PTPRD: variants seen among roughly 807,000 people sequenced by gnomAD.
PTPRD encodes the protein receptor-type tyrosine-protein phosphatase delta.
PTPRD carries 34 observed loss-of-function variants against 214.5 expected under a neutral mutation model. That is an observed-to-expected ratio of 0.16 (90% CI 0.12 to 0.21). PTPRD has a LOEUF of 0.21. Ranked by LOEUF, PTPRD falls within the 10% of genes least tolerant of loss-of-function variation. The pLI is 1.00. For synonymous variants in PTPRD, 1,128 were observed against 845.7 expected (o/e 1.33, Z -5.79); for missense variants, 2,545 against 2,398.7 (o/e 1.06, Z -1.27).
intron 5 of PTPRD, among the ~76,000 whole-genome samples, chr9:9,800,019 T>C (rs751773387): frequency 6.6e-5 from 10 of 152,228 alleles, no homozygotes; most frequent in Non-Finnish European, 1.3e-4. Context: ...GATGAGCCAC[T>C]TGACATTCTT....
chr9:10,172,335 G>C (rs1022725635), intron 3 of PTPRD, among the ~76,000 whole-genome samples: 3 of 152,084 alleles, frequency 2.0e-5, no homozygotes, highest in African/African-American at 7.2e-5. Flanking sequence ...CCCATATGCA[G>C]AGATCCTGTA....
intron 3 of PTPRD, among the ~76,000 whole-genome samples, chr9:10,328,122 C>T (rs1350475512): frequency 1.3e-5 from 2 of 151,540 alleles, no homozygotes; most frequent in Non-Finnish European, 3.0e-5. Context: ...CTATACAGAT[C>T]AGAAAAAAAT....
intron 3 of PTPRD, among the ~76,000 whole-genome samples, chr9:10,066,021 T>A (rs985452891): frequency 6.6e-6 from 1 of 152,118 alleles, no homozygotes; most frequent in African/African-American, 2.4e-5. Context: ...TCAGATTATT[T>A]GATACTAATA....
chr9:10,432,781 T>A (rs668185), intron 2 of PTPRD, among the ~76,000 whole-genome samples: 23,001 of 151,976 alleles, frequency 0.15, 2,311 homozygotes, highest in East Asian at 0.55. Context: ...GGGTCTCCCT[T>A]CTTCACTCAC....
rs112939979 is a variant in PTPRD at position 10,459,523 on chromosome 9, T to G, written c.-599-118506A>C. ...CTAATTTACACTCCCACCAACAGTG[T>G]AAAAGCATTCCTACTTCTCCACATC... On this transcript the variant is annotated intron_variant, in intron 2 of 45. Coordinates refer to ENST00000381196, the MANE Select transcript of PTPRD (RefSeq NM_002839.4). 9.7e-3 allele frequency among the ~76,000 whole-genome samples: 1,470 copies of G among 152,304 alleles called. 20 individuals are homozygous for G. Among genetic ancestry groups the G allele is most frequent in the African/African-American group, 0.028 (1,150 of 41,576 alleles).
intron 10 of PTPRD, among the ~76,000 whole-genome samples, chr9:9,162,524 GATCTACC>G (rs1379750576): frequency 2.0e-5 from 3 of 151,896 alleles, no homozygotes; most frequent in Non-Finnish European, 4.4e-5. Flanking sequence ...CTACATAATT[GATCTACC>G]ATGTATCTGC....
intron 8 of PTPRD, among the ~76,000 whole-genome samples, chr9:9,411,971 G>A (rs1435081156): frequency 6.6e-6 from 1 of 152,182 alleles, no homozygotes; most frequent in Non-Finnish European, 1.5e-5. Flanking sequence ...CCAGGAAAAG[G>A]TCAGTGAAGG....
At chr9:9,663,058 T>C (rs7856780) in intron 7 of PTPRD, among the ~76,000 whole-genome samples, 4,580 of 151,636 alleles carry the variant, frequency 0.03, 225 homozygotes, top group African/African-American at 0.1. Flanking sequence ...GATACATAAA[T>C]AGCAAAATTT....
At chr9:8,842,388 G>A (rs980793167) in intron 11 of PTPRD, among the ~76,000 whole-genome samples, 1 of 152,068 alleles carries the variant, frequency 6.6e-6, no homozygotes, top group Non-Finnish European at 1.5e-5. Flanking sequence ...TACTTTTATG[G>A]CTTTGAAATA....
At chr9:10,141,064 A>C (rs1297109183) in intron 3 of PTPRD, among the ~76,000 whole-genome samples, 1 of 152,158 alleles carries the variant, frequency 6.6e-6, no homozygotes, top group Non-Finnish European at 1.5e-5. Flanking sequence ...TCATGCTAAA[A>C]ATTCTCAATA....
At chr9:8,704,226 G>C (rs1032012459) in intron 12 of PTPRD, among the ~76,000 whole-genome samples, 8 of 151,962 alleles carry the variant, frequency 5.3e-5, no homozygotes, top group African/African-American at 1.9e-4. Context: ...GTTGTGCAGG[G>C]TTGGCTGCCT....
At chr9:9,933,273 A>T (rs2087554048) in intron 5 of PTPRD, among the ~76,000 whole-genome samples, 1 of 152,258 alleles carries the variant, frequency 6.6e-6, no homozygotes, top group African/African-American at 2.4e-5. Flanking sequence ...ATTAAAAGAC[A>T]CAGACTGGCA....
intron 3 of PTPRD, among the ~76,000 whole-genome samples, chr9:10,281,581 A>T (rs2154394515): frequency 6.6e-6 from 1 of 152,310 alleles, no homozygotes; most frequent in Admixed American, 6.5e-5. Flanking sequence ...TTAAACAAAA[A>T]GTTGGATGTA....
intron 9 of PTPRD, among the ~76,000 whole-genome samples, chr9:9,293,040 C>G (rs1390649943): frequency 6.6e-6 from 1 of 151,510 alleles, no homozygotes; most frequent in Non-Finnish European, 1.5e-5. Flanking sequence ...TTCCTTATGT[C>G]AGTTTCTCCT....
chr9:10,129,619 T>A (rs1215385976), intron 3 of PTPRD, among the ~76,000 whole-genome samples: 1 of 151,752 alleles, frequency 6.6e-6, no homozygotes, highest in Non-Finnish European at 1.5e-5. Flanking sequence ...GACAACCAGG[T>A]CTGAACCTCT....
intron 2 of PTPRD, among the ~76,000 whole-genome samples, chr9:10,570,529 CTGA>C (rs748195762): frequency 2.0e-5 from 3 of 152,042 alleles, no homozygotes; most frequent in Non-Finnish European, 4.4e-5. Context: ...AATTGGAATT[CTGA>C]AGAACTTAGA....
intron 10 of PTPRD, among the ~76,000 whole-genome samples, chr9:9,149,650 T>C (rs1177733635): frequency 1.3e-5 from 2 of 152,226 alleles, no homozygotes; most frequent in Non-Finnish European, 2.9e-5. Context: ...ATAACAACTT[T>C]CACTTTTCTA....
intron 9 of PTPRD, among the ~76,000 whole-genome samples, chr9:9,304,261 G>A (rs1181839709): frequency 6.6e-6 from 1 of 152,078 alleles, no homozygotes; most frequent in Non-Finnish European, 1.5e-5. Context: ...AAGAAGACTA[G>A]GATGAGATGA....
intron 2 of PTPRD, among the ~76,000 whole-genome samples, chr9:10,507,965 A>G (rs1207321851): frequency 6.6e-6 from 1 of 152,204 alleles, no homozygotes; most frequent in Non-Finnish European, 1.5e-5. Context: ...TAATTAAACT[A>G]AAGAACTTTG....
Sources: gnomAD v4.1 joint callset for allele counts (sites outside exome capture counted in the v4.1 genomes callset) on GRCh38, gnomAD v4.1.1 for gene constraint, MANE v1.5 for transcripts, NCBI Gene and HGNC (gene_info 2026-07-23, HGNC 2026-07-21) for gene names.